LTBP1: variants seen among roughly 807,000 people sequenced by gnomAD.
LTBP1 encodes latent transforming growth factor beta binding protein 1, also known as latent-transforming growth factor beta-binding protein 1.
LTBP1 carries 129 observed loss-of-function variants against 207.6 expected under a neutral mutation model. The observed-to-expected ratio is 0.62, with a 90% CI of 0.54 to 0.72. LTBP1 has a LOEUF of 0.72. LTBP1 is among the 30% of genes least tolerant of loss of function. LTBP1 has a pLI of 0.00. For missense variants in LTBP1, 2,281 were observed against 2,217.2 expected, an observed-to-expected ratio of 1.03 and a Z score of -0.58; for synonymous variants, 963 against 833.7, an observed-to-expected ratio of 1.16 and a Z score of -2.67.
chr2:33,239,551 T>C (rs1200018717), intron 9 of LTBP1, among the ~76,000 whole-genome samples: 1 of 152,150 alleles, frequency 6.6e-6, no homozygotes, highest in African/African-American at 2.4e-5. Context: ...AAAATACTTT[T>C]GATTTAGTTA....
chr2:33,369,604 C>A (rs922454780), intron 31 of LTBP1, among the ~76,000 whole-genome samples: 1 of 152,126 alleles, frequency 6.6e-6, no homozygotes, highest in African/African-American at 2.4e-5. Flanking sequence ...GTCACCCAGG[C>A]TGAAGTGCAG....
chr2:33,304,786 C>T (rs1477094989), intron 22 of LTBP1, among the ~76,000 whole-genome samples: 1 of 152,202 alleles, frequency 6.6e-6, no homozygotes, highest in African/African-American at 2.4e-5. Context: ...TTCCCTTTCC[C>T]TCTGTGCCCT....
chr2:33,356,857 T>C (rs1156767275), intron 26 of LTBP1, among the ~76,000 whole-genome samples: 1 of 152,234 alleles, frequency 6.6e-6, no homozygotes. Flanking sequence ...AGTAATTTAC[T>C]GAACATCATC....
At chr2:33,025,998 C>T (rs1367408599) in intron 3 of LTBP1, among the ~76,000 whole-genome samples, 1 of 152,054 alleles carries the variant, frequency 6.6e-6, no homozygotes, top group Admixed American at 6.6e-5. Context: ...TATGCCACCT[C>T]CTAATTGACA....
At chr2:32,979,980 A>G (rs1682505779) in intron 2 of LTBP1, among the ~76,000 whole-genome samples, 1 of 152,114 alleles carries the variant, frequency 6.6e-6, no homozygotes, top group South Asian at 2.1e-4. Context: ...GTCTGATACA[A>G]GTATAACTAT....
chr2:33,215,711 C>CT (rs201936680), intron 7 of LTBP1, among the ~76,000 whole-genome samples: 26,585 of 123,842 alleles, frequency 0.21, 3,344 homozygotes, highest in Non-Finnish European at 0.25. Flanking sequence ...CATTGGTTTT[C>CT]TTTTGTTTTT....
intron 23 of LTBP1, among the ~76,000 whole-genome samples, chr2:33,312,351 C>G (rs941855791): frequency 3.3e-5 from 5 of 152,090 alleles, no homozygotes; most frequent in African/African-American, 7.2e-5. Context: ...CAGTTGGAAG[C>G]GTGTTTAAGA....
intron 24 of LTBP1, among the ~76,000 whole-genome samples, chr2:33,336,862 A>G (rs907973871): frequency 2.6e-5 from 4 of 152,250 alleles, no homozygotes; most frequent in Non-Finnish European, 4.4e-5. Flanking sequence ...CATTTTACTA[A>G]TGAAATAGAC....
intron 9 of LTBP1, among the ~76,000 whole-genome samples, chr2:33,235,026 C>CA (rs529695117): frequency 9.1e-4 from 138 of 152,068 alleles, no homozygotes; most frequent in African/African-American, 3.2e-3. Flanking sequence ...AAAGCAATGG[C>CA]AAAAAAAGCC....
intron 5 of LTBP1, among the ~76,000 whole-genome samples, chr2:33,151,541 T>G (rs968270899): frequency 3.9e-5 from 6 of 152,138 alleles, no homozygotes; most frequent in African/African-American, 1.4e-4. Flanking sequence ...TGGTGATTTG[T>G]GAGATTTTGG....
rs3769530 is a variant in LTBP1 at position 33,249,837 on chromosome 2, T to C, written c.2000-2840T>C. On this transcript the variant is annotated intron_variant, in intron 10 of 33. Coordinates refer to ENST00000404816, the MANE Select transcript of LTBP1 (RefSeq NM_206943.4). ...CATGTAAGAGCCTACAGGCACCCTT[T>C]ATTATCACTCCTCAGTTTTATTCGA... 1.7e-3 allele frequency among the ~76,000 whole-genome samples: 260 copies of C among 152,360 alleles called. 8 individuals carry two copies. The East Asian group carries it at 0.041, about 24-fold the overall frequency.
At chr2:33,137,143 C>G (rs934642896) in intron 5 of LTBP1, among the ~76,000 whole-genome samples, 2 of 152,094 alleles carry the variant, frequency 1.3e-5, no homozygotes, top group African/African-American at 4.8e-5. Context: ...TTTGAAAATA[C>G]AGAAAAATTC....
chr2:33,354,683 TACACACACACACACACACACAC>T (rs71409608), intron 26 of LTBP1, among the ~76,000 whole-genome samples: 15,012 of 139,736 alleles, frequency 0.11, 1,015 homozygotes, highest in Middle Eastern at 0.16. Context: ...ACTAAAACTA[TACACACACACACACACACACAC>T]ACACACACAC....
intron 2 of LTBP1, among the ~76,000 whole-genome samples, chr2:32,966,800 TA>T (rs1680076569): frequency 6.6e-6 from 1 of 152,122 alleles, no homozygotes; most frequent in South Asian, 2.1e-4. Flanking sequence ...AGGATTTTTG[TA>T]TCTGTGTTCA....
chr2:33,131,125 GATCC>G (rs1466040968), intron 4 of LTBP1, among the ~76,000 whole-genome samples: 3 of 152,122 alleles, frequency 2.0e-5, no homozygotes, highest in Non-Finnish European at 4.4e-5. Context: ...ATCTCTGTGG[GATCC>G]GACAGTCACC....
chr2:33,305,746 A>C (rs2094079010), intron 22 of LTBP1, among the ~76,000 whole-genome samples: 1 of 152,210 alleles, frequency 6.6e-6, no homozygotes, highest in African/African-American at 2.4e-5. Flanking sequence ...GAAGTGAGGA[A>C]ATGGGTAAGA....
chr2:33,194,598 C>T (rs2088324176), intron 7 of LTBP1, among the ~76,000 whole-genome samples: 1 of 152,118 alleles, frequency 6.6e-6, no homozygotes. Context: ...TTGGAGAGGT[C>T]AGGAAGTTGC....
At chr2:33,137,091 C>A (rs902523744) in intron 5 of LTBP1, among the ~76,000 whole-genome samples, 1 of 152,074 alleles carries the variant, frequency 6.6e-6, no homozygotes, top group African/African-American at 2.4e-5. Context: ...ATATTTCTTT[C>A]TTTAAGAATG....
intron 7 of LTBP1, among the ~76,000 whole-genome samples, chr2:33,208,283 T>C (rs2149232898): frequency 6.6e-6 from 1 of 152,354 alleles, no homozygotes; most frequent in Admixed American, 6.5e-5. Context: ...TTTATAATGG[T>C]CACAGCCCAG....
Sources: allele counts gnomAD v4.1 joint callset (sites outside exome capture counted in the v4.1 genomes callset), GRCh38; gene constraint gnomAD v4.1.1; transcripts MANE v1.5; gene names NCBI Gene and HGNC (gene_info 2026-07-23, HGNC 2026-07-21).